The following NDUFA10 variants were observed in gnomAD, a reference collection of about 807,000 sequenced individuals.
The protein encoded by NDUFA10 is NADH dehydrogenase [ubiquinone] 1 alpha subcomplex subunit 10, mitochondrial.
Under a neutral mutation model 47.8 loss-of-function variants are expected in NDUFA10, and 40 were observed. That is an observed-to-expected ratio of 0.84 (90% CI 0.65 to 1.09). NDUFA10 has a LOEUF of 1.09. NDUFA10 is among the 50% of genes least tolerant of loss of function. The pLI, the probability that NDUFA10 is intolerant of heterozygous loss-of-function variation, is 0.00. For synonymous variants in NDUFA10, 183 were observed against 172.2 expected (o/e 1.06, Z -0.49); for missense variants, 413 against 451.1 (o/e 0.92, Z 0.76).
intron 9 of NDUFA10, among the ~76,000 whole-genome samples, chr2:239,972,139 G>A (rs1210303664): frequency 1.6e-4 from 1 of 6,228 alleles, no homozygotes; most frequent in Non-Finnish European, 3.1e-4. Flanking sequence ...CATGAAGGAT[G>A]TGTGTGTGTG....
intron 9 of NDUFA10, among the ~76,000 whole-genome samples, chr2:239,964,356 G>C (rs925395612): frequency 3.3e-5 from 5 of 152,174 alleles, no homozygotes; most frequent in African/African-American, 1.2e-4. Context: ...CTAGAAGCTG[G>C]AAAGGGAAAG....
chr2:239,983,224 C>T (rs1031428844), intron 9 of NDUFA10, among the ~76,000 whole-genome samples: 12 of 152,214 alleles, frequency 7.9e-5, no homozygotes, highest in African/African-American at 2.4e-4. Flanking sequence ...GCTCTGCAAC[C>T]CATGCAGAGA....
chr2:239,918,281 A>G (rs1693911570), intron 4 of NDUFA10, among the ~76,000 whole-genome samples: 1 of 152,202 alleles, frequency 6.6e-6, no homozygotes, highest in East Asian at 1.9e-4. Flanking sequence ...AGCCCTGGGC[A>G]GCAACAGGCC....
chr2:239,979,421 G>A lies in NDUFA10; in HGVS notation c.999+10653C>T, dbSNP rs527316761. On this transcript the variant is annotated intron_variant, in intron 9 of 9. Transcript: ENST00000252711. The stretch of plus-strand genomic sequence containing the variant: ...AGGGCTCCACCGTCCGGTGAGGAAA[G>A]GCCACCACCAGGCCCTCAGCAGCCC... Among the ~76,000 whole-genome samples, 4 of 152,270 alleles carry A rather than the reference G, an allele frequency of 2.6e-5. No individual in the cohort carries two copies. In the East Asian group the frequency reaches 5.8e-4, roughly 22 times the overall value.
At chr2:239,983,801 G>A (rs551530384) in intron 9 of NDUFA10, 3 of 1,505,880 alleles carry the variant, frequency 2.0e-6, no homozygotes. Flanking sequence ...CAAAGTCTGA[G>A]AAAATGTTAC....
chr2:240,005,337 T>C, intron 7 of NDUFA10, 42 bp from the exon 8 acceptor site: 1 of 1,521,738 alleles, frequency 6.6e-7, no homozygotes, highest in Non-Finnish European at 9.1e-7. Context: ...GAACCCCATT[T>C]TAGAAATTTA....
chr2:239,953,693 C>A (rs1327655059), downstream of NDUFA10, among the ~76,000 whole-genome samples: 1 of 145,166 alleles, frequency 6.9e-6, no homozygotes, highest in Admixed American at 6.8e-5. Flanking sequence ...ACGCAACAGG[C>A]ACCGCGAACG....
intron 8 of NDUFA10, among the ~76,000 whole-genome samples, chr2:239,993,344 T>C (rs1410230328): frequency 1.3e-5 from 2 of 152,196 alleles, no homozygotes; most frequent in Admixed American, 1.3e-4. Flanking sequence ...AAGGATACCA[T>C]ATACATTCAT....
chr2:239,893,712 T>C (rs1434927004), intron 5 of NDUFA10, among the ~76,000 whole-genome samples: 2 of 152,144 alleles, frequency 1.3e-5, no homozygotes, highest in African/African-American at 2.4e-5. Context: ...CACTGCTGCA[T>C]TGGGGGTTAA....
At chr2:239,973,078 A>G (rs1057073964) in intron 9 of NDUFA10, among the ~76,000 whole-genome samples, 1 of 152,230 alleles carries the variant, frequency 6.6e-6, no homozygotes, top group African/African-American at 2.4e-5. Context: ...AATTTTCCAT[A>G]CACAGAGATG....
intron 6 of NDUFA10, among the ~76,000 whole-genome samples, chr2:240,010,568 C>T (rs1697100621): frequency 2.6e-5 from 4 of 151,952 alleles, no homozygotes; most frequent in Admixed American, 2.6e-4. Flanking sequence ...GGTATTGTGG[C>T]CTTGGAAATA....
chr2:239,919,241 C>T (rs1027887835), intron 4 of NDUFA10, among the ~76,000 whole-genome samples: 1 of 152,192 alleles, frequency 6.6e-6, no homozygotes, highest in Non-Finnish European at 1.5e-5. Flanking sequence ...AGCCCTGCCC[C>T]TCTTCGGGCT....
rs558467635 is a variant in NDUFA10, at chr2:239,987,816, C to T, written c.999+2258G>A. Among the ~76,000 whole-genome samples, 9 of 152,240 alleles carry T rather than the reference C, an allele frequency of 5.9e-5. No homozygotes were observed. Among genetic ancestry groups the T allele is most frequent in the South Asian group, 2.1e-4 (1 of 4,818 alleles). ...GACTAACACGTATGGAGAATTAAGA[C>T]GACCGAGATCATGCAAAACATGCGA... On this transcript the variant is annotated intron_variant, in intron 9 of 9. Coordinates refer to ENST00000252711, the MANE Select transcript of NDUFA10 (RefSeq NM_004544.4). This position sits in a 1 kb window ranked among gnomAD's most constrained non-coding sequence, Gnocchi z 4.8.
At chr2:239,992,688 G>A (rs887614080) in intron 8 of NDUFA10, among the ~76,000 whole-genome samples, 29 of 152,192 alleles carry the variant, frequency 1.9e-4, no homozygotes, top group Admixed American at 1.5e-3. Flanking sequence ...ACGTGTCCTC[G>A]GAGGTCCTGA....
Position 239,934,872 on chromosome 2 carries a change from C to T in NDUFA10, c.295-39558G>A, listed in dbSNP as rs144992761. ...ACACATGGGCCTGCAACTCAGACAA[C>T]CCCACTCCCTCTCGCTCACCAGGTT... is the stretch of plus-strand genomic sequence containing the variant. On this transcript the variant is annotated intron_variant, in intron 4 of 5. Transcript: ENST00000419408. Among the ~76,000 whole-genome samples, 114 of 152,294 alleles carry T rather than the reference C, an allele frequency of 7.5e-4. No homozygotes were observed. In the South Asian group the frequency reaches 9.9e-3, roughly 13 times the overall value.
chr2:239,982,825 G>C (rs1695829455), intron 9 of NDUFA10, among the ~76,000 whole-genome samples: 2 of 152,346 alleles, frequency 1.3e-5, no homozygotes, highest in East Asian at 1.9e-4. Flanking sequence ...GTTAGGGTTT[G>C]ATTTTTAACG....
intron 4 of NDUFA10, among the ~76,000 whole-genome samples, chr2:239,927,908 T>C (rs1018470818): frequency 1.2e-4 from 18 of 152,210 alleles, no homozygotes; most frequent in African/African-American, 4.1e-4. Flanking sequence ...GTCAGGTCCC[T>C]GGTACCCCAA....
At chr2:239,984,288 T>C (rs375145181) in intron 9 of NDUFA10, among the ~76,000 whole-genome samples, 32 of 152,030 alleles carry the variant, frequency 2.1e-4, no homozygotes, top group African/African-American at 7.5e-4. Flanking sequence ...TCATTAATTA[T>C]AACAAGTGTA....
chr2:239,908,572 C>T (rs1693696634), intron 4 of NDUFA10, among the ~76,000 whole-genome samples: 1 of 152,200 alleles, frequency 6.6e-6, no homozygotes, highest in Admixed American at 6.5e-5. Flanking sequence ...TGCTTTGTGA[C>T]TTTCACAAAG....
Sources: gnomAD v4.1 joint callset for allele counts (sites outside exome capture counted in the v4.1 genomes callset) on GRCh38, gnomAD v4.1.1 for gene constraint, Gnocchi (gnomAD v3.1) non-coding constraint, MANE v1.5 for transcripts, NCBI Gene and HGNC (gene_info 2026-07-23, HGNC 2026-07-21) for gene names.